The following LHFPL6 variants were observed in gnomAD, a reference collection of about 807,000 sequenced individuals.
LHFPL6 encodes LHFPL tetraspan subfamily member 6 protein.
LHFPL6 carries 9 observed loss-of-function variants against 20.6 expected under a neutral mutation model. The ratio of observed to expected loss-of-function variants is 0.44; its 90% CI spans 0.26 to 0.76. The LOEUF is 0.76. LHFPL6 is among the 30% of genes least tolerant of loss of function. The probability of loss-of-function intolerance (pLI) is 0.20; values close to 1 mark genes in which losing one functional copy is unlikely to be tolerated. For synonymous variants in LHFPL6, 105 were observed against 98.7 expected, an observed-to-expected ratio of 1.06 and a Z score of -0.38; for missense variants, 218 against 253.5, an observed-to-expected ratio of 0.86 and a Z score of 0.95.
chr13:39,399,513 T>C (rs932392169), intron 2 of LHFPL6, among the ~76,000 whole-genome samples: 1 of 152,186 alleles, frequency 6.6e-6, no homozygotes, highest in Non-Finnish European at 1.5e-5. Context: ...ACAACACTTA[T>C]GTAGGTGTAT....
intron 2 of LHFPL6, among the ~76,000 whole-genome samples, chr13:39,469,649 C>T (rs187027243): frequency 6.6e-6 from 1 of 152,292 alleles, no homozygotes; most frequent in Non-Finnish European, 1.5e-5. Context: ...CTTTAGAAGG[C>T]CAGACAGGCT....
chr13:39,492,102 AG>A (rs1177230082), intron 2 of LHFPL6, among the ~76,000 whole-genome samples: 1 of 152,236 alleles, frequency 6.6e-6, no homozygotes, highest in Non-Finnish European at 1.5e-5. Flanking sequence ...AAGCGCTATA[AG>A]TACTCAATAC....
At chr13:39,490,091 CA>C (rs998678025) in intron 2 of LHFPL6, among the ~76,000 whole-genome samples, 2 of 83,288 alleles carry the variant, frequency 2.4e-5, no homozygotes, top group Non-Finnish European at 4.9e-5. Context: ...ATTAAACAAA[CA>C]AACAAAAAAA....
chr13:39,405,134 A>G lies in LHFPL6; in HGVS notation c.386-26608T>C, dbSNP rs554708833. Among the ~76,000 whole-genome samples, 74 of 152,344 alleles carry G rather than the reference A, an allele frequency of 4.9e-4. 1 individual carries two copies. The South Asian group carries it at 8.1e-3, about 17-fold the overall frequency. ...ATTGAGTGTGAGGTGATAAAGAGTA[A>G]TACACATATGTGGACATCTGTCCTC... is the stretch of plus-strand genomic sequence containing the variant. On this transcript the variant is annotated intron_variant, in intron 2 of 3. Coordinates refer to ENST00000379589, the MANE Select transcript of LHFPL6 (RefSeq NM_005780.3).
At chr13:39,455,780 A>G (rs1872555509) in intron 2 of LHFPL6, among the ~76,000 whole-genome samples, 1 of 152,228 alleles carries the variant, frequency 6.6e-6, no homozygotes, top group African/African-American at 2.4e-5. Flanking sequence ...GTGAGACAGC[A>G]GAGAAAGGAA....
At chr13:39,403,596 C>T (rs73456949) in intron 2 of LHFPL6, among the ~76,000 whole-genome samples, 3,018 of 152,244 alleles carry the variant, frequency 0.02, 108 homozygotes, top group African/African-American at 0.066. Context: ...CCAGAGGCAG[C>T]GACTACAAGC....
At chr13:39,532,362 C>A (rs1164442925) in intron 2 of LHFPL6, among the ~76,000 whole-genome samples, 1 of 152,170 alleles carries the variant, frequency 6.6e-6, no homozygotes, top group African/African-American at 2.4e-5. Context: ...CAAACACCAA[C>A]TTTTTGACTT....
intron 2 of LHFPL6, among the ~76,000 whole-genome samples, chr13:39,600,014 C>A (rs1290025553): frequency 1.3e-5 from 2 of 152,156 alleles, no homozygotes; most frequent in Non-Finnish European, 2.9e-5. Context: ...TTCAGCCAGT[C>A]AGGTTGAAGA....
chr13:39,532,538 A>C (rs1870496756), intron 2 of LHFPL6, among the ~76,000 whole-genome samples: 1 of 152,166 alleles, frequency 6.6e-6, no homozygotes, highest in African/African-American at 2.4e-5. Flanking sequence ...AGTCCTTTTT[A>C]CTTGTACCAT....
intron 2 of LHFPL6, among the ~76,000 whole-genome samples, chr13:39,494,201 C>T (rs1274818890): frequency 1.3e-5 from 2 of 152,178 alleles, no homozygotes; most frequent in African/African-American, 2.4e-5. Flanking sequence ...AGGCAGGAAG[C>T]ACTGTGAAAG....
At chr13:39,415,325 T>A (rs1443638598) in intron 2 of LHFPL6, among the ~76,000 whole-genome samples, 2 of 152,160 alleles carry the variant, frequency 1.3e-5, no homozygotes, top group Admixed American at 6.5e-5. Flanking sequence ...CTATATTGCC[T>A]CAGCCGATAA....
At chr13:39,553,165 T>C (rs1224517773) in intron 2 of LHFPL6, among the ~76,000 whole-genome samples, 1 of 152,220 alleles carries the variant, frequency 6.6e-6, no homozygotes, top group Non-Finnish European at 1.5e-5. Flanking sequence ...ATTTTAGTCT[T>C]CATGGGAAAG....
intron 2 of LHFPL6, among the ~76,000 whole-genome samples, chr13:39,479,401 A>G (rs1430337244): frequency 6.6e-6 from 1 of 152,172 alleles, no homozygotes; most frequent in Admixed American, 6.5e-5. Flanking sequence ...CCTTCTACAG[A>G]GGAGCTCCAT....
chr13:39,399,605 T>C (rs1035226834), intron 2 of LHFPL6, among the ~76,000 whole-genome samples: 2 of 152,286 alleles, frequency 1.3e-5, no homozygotes, highest in East Asian at 1.9e-4. Context: ...GGGAGAAGCA[T>C]GGGACTTGAA....
chr13:39,343,262 T>G lies in LHFPL6; in HGVS notation c.*674A>C, dbSNP rs959690899. 4.6e-6 allele frequency: 1 copy of G among 216,618 alleles called. No individual in the cohort carries two copies. Among genetic ancestry groups the G allele is most frequent in the African/African-American group, 2.2e-5 (1 of 44,488 alleles). 13.4% of individuals were successfully genotyped at this position (216,618 alleles called of 1,614,324 possible). ...AGTTTATGCAGGATATACAAAATACTGATAGTTTGGCTTATTGGTCCATTT... is the reference window on the plus strand; with the variant it reads ...AGTTTATGCAGGATATACAAAATACGGATAGTTTGGCTTATTGGTCCATTT... On this transcript the variant is annotated 3_prime_UTR_variant, in exon 4 of 4. Transcript: ENST00000379589.
At chr13:39,597,988 T>C (rs1872818714) in intron 2 of LHFPL6, among the ~76,000 whole-genome samples, 1 of 152,240 alleles carries the variant, frequency 6.6e-6, no homozygotes, top group African/African-American at 2.4e-5. Context: ...ATTCTCCTGT[T>C]TCCTGTTGTT....
At chr13:39,416,357 A>C (rs542251766) in intron 2 of LHFPL6, among the ~76,000 whole-genome samples, 1 of 112,356 alleles carries the variant, frequency 8.9e-6, no homozygotes, top group Admixed American at 9.6e-5. Flanking sequence ...AATGAACCTT[A>C]ATATGTTAAA....
intron 2 of LHFPL6, among the ~76,000 whole-genome samples, chr13:39,380,803 T>C (rs1566098205): frequency 6.6e-6 from 1 of 152,066 alleles, no homozygotes; most frequent in Non-Finnish European, 1.5e-5. Context: ...TAGCATTAGA[T>C]TCTTGTAGGA....
intron 2 of LHFPL6, among the ~76,000 whole-genome samples, chr13:39,430,311 T>A (rs1419835359): frequency 6.6e-6 from 1 of 152,198 alleles, no homozygotes; most frequent in African/African-American, 2.4e-5. Context: ...AGTAACTGAC[T>A]GATGTAGGGG....
Sources: allele counts gnomAD v4.1 joint callset (sites outside exome capture counted in the v4.1 genomes callset), GRCh38; gene constraint gnomAD v4.1.1; transcripts MANE v1.5; gene names NCBI Gene and HGNC (gene_info 2026-07-23, HGNC 2026-07-21).